Variants in ERCC1 observed in about 807,000 individuals in gnomAD.
ERCC1 encodes DNA excision repair protein ERCC-1.
Under a neutral mutation model 37.6 loss-of-function variants are expected in ERCC1, and 36 were observed. That is an observed-to-expected ratio of 0.96 (90% CI 0.73 to 1.26). The LOEUF (loss-of-function observed/expected upper bound fraction) is 1.26. ERCC1 is among the 50% of genes most tolerant of loss of function. The pLI is 0.00. For synonymous variants in ERCC1, 156 were observed against 162.1 expected (o/e 0.96, Z 0.28); for missense variants, 349 against 376.5 (o/e 0.93, Z 0.60).
chr19:45,416,126 C>T (rs904717095), intron 6 of ERCC1, among the ~76,000 whole-genome samples: 7 of 152,082 alleles, frequency 4.6e-5, no homozygotes, highest in Non-Finnish European at 8.8e-5. Context: ...AAGAGCAAGA[C>T]CCTGTCTCAA....
rs199895540 is a variant in ERCC1 at position 45,409,000 on chromosome 19, G to C, written c.*675C>G. The C allele has an allele frequency of 6.2e-7, 1 of 1,614,032 alleles. No individual in the cohort carries two copies. On this transcript the variant is annotated 3_prime_UTR_variant, in exon 10 of 10. Coordinates refer to ENST00000300853, the MANE Select transcript of ERCC1 (RefSeq NM_001983.4). The stretch of plus-strand genomic sequence containing the variant: ...AGATGGCAATGATGGAGCCAGGGAC[G>C]GAGGCGATGGAGCCAGTGGAGCCGG...
At chr19:45,443,212 T>A (rs942865201) in intron 1 of ERCC1, among the ~76,000 whole-genome samples, 4 of 152,134 alleles carry the variant, frequency 2.6e-5, no homozygotes, top group Non-Finnish European at 2.9e-5. Flanking sequence ...CAAGGAGGTA[T>A]GGCTGTAGTC....
intron 1 of ERCC1, among the ~76,000 whole-genome samples, chr19:45,446,871 G>A (rs1453515294): frequency 2.6e-5 from 4 of 152,118 alleles, no homozygotes; most frequent in African/African-American, 4.8e-5. Context: ...AGTGGCAGGC[G>A]CCTGTAATCT....
Position 45,409,125 on chromosome 19 carries a change from A to C in ERCC1, c.*550T>G, listed in dbSNP as rs761470524. 2.2e-5 allele frequency: 35 copies of C among 1,613,126 alleles called. No individual in the cohort carries two copies. Among genetic ancestry groups the C allele is most frequent in the Non-Finnish European group, 2.7e-5 (32 of 1,179,398 alleles). On this transcript the variant is annotated 3_prime_UTR_variant, in exon 10 of 10. Coordinates refer to ENST00000300853, the MANE Select transcript of ERCC1 (RefSeq NM_001983.4). ...GCAGCTCTGGCAGCTCCCAAAAAGA[A>C]GACGAAGAAAGAAAAACAGCAAGAT...
At chr19:45,425,016 G>A (rs1974644009), upstream of ERCC1, among the ~76,000 whole-genome samples, 1 of 149,164 alleles carries the variant, frequency 6.7e-6, no homozygotes, top group Non-Finnish European at 1.5e-5. Flanking sequence ...CCCCCTCCCG[G>A]GTTCAAGCGA....
rs3212978 is a variant in ERCC1 at position 45,413,329 on chromosome 19, T to A, written c.843+348A>T. 166 of 555,770 alleles carry A rather than the reference T, an allele frequency of 3.0e-4. 2 individuals carry two copies. The highest frequency in any genetic ancestry group is 4.3e-4 in the Non-Finnish European group (135 of 310,768). 34.4% of individuals were successfully genotyped at this position (555,770 alleles called of 1,614,324 possible). On this transcript the variant is annotated intron_variant, in intron 9 of 9. Transcript: ENST00000300853. Reference sequence around the variant, plus strand: ...TCACCCAGGCTGGAGCGTAGTAACATGCTTATAGCTCACTGCAGCCTCAAC... The same window carrying A: ...TCACCCAGGCTGGAGCGTAGTAACAAGCTTATAGCTCACTGCAGCCTCAAC...
chr19:45,415,636 A>C (rs1424653749), intron 6 of ERCC1, among the ~76,000 whole-genome samples: 20 of 90,648 alleles, frequency 2.2e-4, no homozygotes, highest in Middle Eastern at 5.3e-3. Flanking sequence ...ACTCCGTCTC[A>C]AAAAAAAAAA....
At chr19:45,414,995 A>T (rs565196640) in intron 6 of ERCC1, 35 bp from the exon 7 acceptor site, 1 of 1,496,426 alleles carries the variant, frequency 6.7e-7, no homozygotes, top group Admixed American at 1.7e-5. Flanking sequence ...CCGGGAGGTG[A>T]GGTATCAGAT....
rs529606211 is a variant in ERCC1 at position 45,429,627 on chromosome 19, TG to T, written c.-7-6247del. On this transcript the variant is annotated intron_variant, in intron 1 of 8. Transcript: ENST00000423698. ...GGCAAAGGAATGGACTCAGGGACCC[TG>T]GGTAGTTGCCATTCCAGAGCACATG... Among the ~76,000 whole-genome samples, 331 of 152,268 alleles carry T rather than the reference TG, an allele frequency of 2.2e-3. 1 individual carries two copies. Among genetic ancestry groups the T allele is most frequent in the African/African-American group, 7.5e-3 (312 of 41,548 alleles).
chr19:45,422,538 C>A (rs553270098), intron 2 of ERCC1, among the ~76,000 whole-genome samples: 3 of 151,966 alleles, frequency 2.0e-5, no homozygotes, highest in African/African-American at 7.3e-5. Context: ...TTTGGGAGGC[C>A]GAGGTGGGCG....
intron 5 of ERCC1, among the ~76,000 whole-genome samples, chr19:45,418,029 C>A (rs150182611): frequency 6.6e-6 from 1 of 151,926 alleles, no homozygotes; most frequent in African/African-American, 2.4e-5. Flanking sequence ...GAGTTCAAGA[C>A]CAGACTGGGT....
chr19:45,435,443 A>G (rs1974951051), intron 1 of ERCC1, among the ~76,000 whole-genome samples: 1 of 152,200 alleles, frequency 6.6e-6, no homozygotes, highest in Non-Finnish European at 1.5e-5. Context: ...TCAGCCTTAA[A>G]AGAAAACTCA....
upstream of ERCC1, among the ~76,000 whole-genome samples, chr19:45,426,917 G>A (rs867781386): frequency 7.4e-6 from 1 of 135,546 alleles, no homozygotes; most frequent in South Asian, 2.3e-4. Flanking sequence ...CCAAGATCAC[G>A]CAATTGTACT....
At chr19:45,440,390 G>A (rs1410324154) in intron 1 of ERCC1, among the ~76,000 whole-genome samples, 1 of 152,146 alleles carries the variant, frequency 6.6e-6, no homozygotes, top group Non-Finnish European at 1.5e-5. Context: ...CAACCTTTAT[G>A]GGGGCAGAGC....
At chr19:45,441,673 C>G (rs1443112680) in intron 1 of ERCC1, among the ~76,000 whole-genome samples, 1 of 151,076 alleles carries the variant, frequency 6.6e-6, no homozygotes, top group African/African-American at 2.4e-5. Flanking sequence ...CTGCGTCCAG[C>G]CTAATTTTTT....
In ERCC1 at chr19:45,443,556, G is replaced by T. The variant is rs535130330; in HGVS notation, c.-7-20175C>A. Among the ~76,000 whole-genome samples, 21 of 152,272 alleles carry T rather than the reference G, an allele frequency of 1.4e-4. No homozygotes were observed. The South Asian group carries it at 4.3e-3, about 32-fold the overall frequency. The stretch of plus-strand genomic sequence containing the variant: ...CCGCTCCCCCAGGATCCCGACCCAG[G>T]CGTCTCCCTTGGGATGGGGGCGGAG... On this transcript the variant is annotated intron_variant, in intron 1 of 8. Transcript: ENST00000423698.
In ERCC1 at chr19:45,408,244, G is replaced by C; in HGVS notation, c.*1431C>G. 2 of 1,614,110 alleles carry C rather than the reference G, an allele frequency of 1.2e-6. No individual in the cohort carries two copies. The highest frequency in any genetic ancestry group is 1.7e-6 in the Non-Finnish European group (2 of 1,180,016). ...GCAGCTGTCCCCAAGCTGGAGAAGC[G>C]ACCCTGCTGGCCCCCTCAACGGAGG... On this transcript the variant is annotated 3_prime_UTR_variant, in exon 10 of 10. Transcript: ENST00000300853.
rs369611897 is a variant in ERCC1, at chr19:45,421,238, C to T, written c.261G>A (p.Thr87=). 21 of 1,614,076 alleles carry T rather than the reference C, an allele frequency of 1.3e-5. No homozygotes were observed. The highest frequency in any genetic ancestry group is 5.0e-5 in the Admixed American group (3 of 59,992). Residue 87 remains threonine, a synonymous_variant, in exon 3 of 10, where the codon ACG becomes ACA. Transcript: ENST00000300853. ...PTGSEPLAGE[T]PNQALKPGAK... is the part of the protein sequence containing the mutation. ...CCCCGGGTTTCAGGGCCTGGTTGGG[C>T]GTCTCTCCTGCCAGGGGCTCTGACC...
At chr19:45,412,879 A>G (rs1447104936) in intron 9 of ERCC1, among the ~76,000 whole-genome samples, 1 of 151,882 alleles carries the variant, frequency 6.6e-6, no homozygotes, top group Non-Finnish European at 1.5e-5. Flanking sequence ...AGCTGGGATT[A>G]CAGGCATGTG....
Sources: gnomAD v4.1 joint callset for allele counts (sites outside exome capture counted in the v4.1 genomes callset) on GRCh38, gnomAD v4.1.1 for gene constraint, MANE v1.5 for transcripts, NCBI Gene and HGNC (gene_info 2026-07-23, HGNC 2026-07-21) for gene names.